The following OR6N1 variants were observed in gnomAD, a reference collection of about 807,000 sequenced individuals.
The protein encoded by OR6N1 is olfactory receptor family 6 subfamily N member 1.
For synonymous variants in OR6N1, 170 were observed against 150.7 expected, an observed-to-expected ratio of 1.13 and a Z score of -0.94; for missense variants, 394 against 371.7, an observed-to-expected ratio of 1.06 and a Z score of -0.49.
chr1:158,818,296 A>G, the OR6N1 span, among the ~76,000 whole-genome samples: 3 of 152,174 alleles, frequency 2.0e-5, no homozygotes, highest in Admixed American at 2.0e-4. Flanking sequence ...GTGGTCACTC[A>G]ATAGTTTTAC....
At chr1:158,779,044 C>CAAAAAAAAAA in the OR6N1 span, among the ~76,000 whole-genome samples, 1 of 107,538 alleles carries the variant, frequency 9.3e-6, no homozygotes, top group African/African-American at 3.9e-5. Context: ...AATGCAGATT[C>CAAAAAAAAAA]AAAAACAAAC....
the OR6N1 span, among the ~76,000 whole-genome samples, chr1:158,791,690 G>C: frequency 6.6e-6 from 1 of 151,994 alleles, no homozygotes; most frequent in Non-Finnish European, 1.5e-5. Context: ...GGATGGTCTC[G>C]ATCTCCTGAC....
At chr1:158,787,511 A>T in the OR6N1 span, among the ~76,000 whole-genome samples, 3 of 152,068 alleles carry the variant, frequency 2.0e-5, no homozygotes, top group Non-Finnish European at 4.4e-5. Context: ...ATTTACAAAA[A>T]CGAACTATCT....
At chr1:158,838,718 A>C in the OR6N1 span, among the ~76,000 whole-genome samples, 1,042 of 152,152 alleles carry the variant, frequency 6.8e-3, 10 homozygotes, top group African/African-American at 0.022. Context: ...TACATAATGC[A>C]TATATTGTCC....
At chr1:158,782,133 C>G in the OR6N1 span, among the ~76,000 whole-genome samples, 1 of 152,220 alleles carries the variant, frequency 6.6e-6, no homozygotes, top group East Asian at 1.9e-4. Flanking sequence ...AACTGCTACT[C>G]TTTACCTATG....
chr1:158,820,176 C>A, the OR6N1 span, among the ~76,000 whole-genome samples: 1 of 152,190 alleles, frequency 6.6e-6, no homozygotes, highest in South Asian at 2.1e-4. Flanking sequence ...CTTAAGAACT[C>A]CTTAAGCAGT....
At chr1:158,820,785 G>C in the OR6N1 span, among the ~76,000 whole-genome samples, 1 of 152,132 alleles carries the variant, frequency 6.6e-6, no homozygotes, top group Non-Finnish European at 1.5e-5. Flanking sequence ...TTCTCTTTGA[G>C]GATATAAACT....
intron 1 of OR6N1, among the ~76,000 whole-genome samples, chr1:158,768,178 C>G (rs1657326201): frequency 6.6e-6 from 1 of 151,924 alleles, no homozygotes; most frequent in African/African-American, 2.4e-5. Context: ...TATATAAACT[C>G]AACTCCTCTG....
chr1:158,811,806 C>T, the OR6N1 span, among the ~76,000 whole-genome samples: 1 of 152,156 alleles, frequency 6.6e-6, no homozygotes, highest in Non-Finnish European at 1.5e-5. Context: ...TCTCTTCATA[C>T]CAACCTGAAA....
the OR6N1 span, among the ~76,000 whole-genome samples, chr1:158,786,042 A>T: frequency 6.6e-6 from 1 of 152,176 alleles, no homozygotes; most frequent in Non-Finnish European, 1.5e-5. Flanking sequence ...CTGCACAGCA[A>T]TAGAAATAAT....
chr1:158,801,510 C>T, the OR6N1 span, among the ~76,000 whole-genome samples: 2 of 152,058 alleles, frequency 1.3e-5, no homozygotes, highest in Non-Finnish European at 2.9e-5. Flanking sequence ...TAAGCTAAGG[C>T]CCCTATATTG....
the OR6N1 span, among the ~76,000 whole-genome samples, chr1:158,823,145 A>G: frequency 1.3e-5 from 2 of 152,156 alleles, no homozygotes; most frequent in Non-Finnish European, 2.9e-5. Context: ...ATCTATGTTC[A>G]TTAAGAATAT....
chr1:158,801,252 G>A, the OR6N1 span, among the ~76,000 whole-genome samples: 1 of 152,004 alleles, frequency 6.6e-6, no homozygotes, highest in African/African-American at 2.4e-5. Context: ...TGGGGAGAGA[G>A]AGAGTGGGTT....
At chr1:158,837,397 A>G in the OR6N1 span, among the ~76,000 whole-genome samples, 1 of 151,730 alleles carries the variant, frequency 6.6e-6, no homozygotes, top group Non-Finnish European at 1.5e-5. Context: ...TGTTTTGTGC[A>G]TGTATGTTTC....
the OR6N1 span, among the ~76,000 whole-genome samples, chr1:158,797,232 G>A: frequency 6.6e-6 from 1 of 152,214 alleles, no homozygotes; most frequent in Admixed American, 6.5e-5. Context: ...CTTTCTGTGT[G>A]TTGAGGCAGG....
the OR6N1 span, among the ~76,000 whole-genome samples, chr1:158,786,495 G>A: frequency 3.9e-5 from 6 of 152,132 alleles, no homozygotes; most frequent in Non-Finnish European, 8.8e-5. Context: ...CCAGTTCTGG[G>A]TATTTACTCA....
the OR6N1 span, among the ~76,000 whole-genome samples, chr1:158,823,729 T>G: frequency 6.6e-6 from 1 of 152,286 alleles, no homozygotes; most frequent in Admixed American, 6.5e-5. Context: ...GCTCTGATTT[T>G]GGTTATTTCT....
chr1:158,833,762 C>A, the OR6N1 span, among the ~76,000 whole-genome samples: 15 of 152,116 alleles, frequency 9.9e-5, no homozygotes, highest in Non-Finnish European at 2.1e-4. Context: ...TTGAAGGACA[C>A]TTGTAATACT....
At chr1:158,789,875 C>G in the OR6N1 span, among the ~76,000 whole-genome samples, 1 of 152,152 alleles carries the variant, frequency 6.6e-6, no homozygotes, top group African/African-American at 2.4e-5. Flanking sequence ...GTTTTTGTTG[C>G]CTGTGCTTTT....
Sources: gnomAD v4.1 joint callset for allele counts (sites outside exome capture counted in the v4.1 genomes callset) on GRCh38, gnomAD v4.1.1 for gene constraint, MANE v1.5 for transcripts, NCBI Gene and HGNC (gene_info 2026-07-23, HGNC 2026-07-21) for gene names.